The following WDR93 variants were observed in gnomAD, a reference collection of about 807,000 sequenced individuals.
WDR93 encodes WD repeat-containing protein 93.
In WDR93, 73 loss-of-function variants were observed where a neutral mutation model predicts 82.9. The observed-to-expected ratio is 0.88, with a 90% CI of 0.73 to 1.07. WDR93 has a LOEUF of 1.07. Ranked by LOEUF, WDR93 falls within the 50% of genes least tolerant of loss-of-function variation. The pLI, the probability that WDR93 is intolerant of heterozygous loss-of-function variation, is 0.00. For synonymous variants in WDR93, 283 were observed against 300.1 expected, an observed-to-expected ratio of 0.94 and a Z score of 0.59; for missense variants, 738 against 826.0, an observed-to-expected ratio of 0.89 and a Z score of 1.31.
chr15:89,742,733 A>G (rs1055179414), intron 16 of WDR93, among the ~76,000 whole-genome samples: 3 of 152,192 alleles, frequency 2.0e-5, no homozygotes, highest in East Asian at 1.9e-4. Context: ...GGGTTTCTCC[A>G]GGTTGGCCAG....
At chr15:89,736,334 G>A (rs1354782124) in intron 14 of WDR93, among the ~76,000 whole-genome samples, 3 of 152,256 alleles carry the variant, frequency 2.0e-5, no homozygotes, top group South Asian at 4.1e-4. Context: ...GTGGCCCTAC[G>A]GAGGGTGAGG....
At chr15:89,699,599 A>T (rs11629562) in intron 1 of WDR93, among the ~76,000 whole-genome samples, 66,175 of 151,464 alleles carry the variant, frequency 0.44, 14,884 homozygotes, top group African/African-American at 0.5. Flanking sequence ...TTATTAGGCC[A>T]CTTCAAATGA....
At chr15:89,701,237 G>A (rs1323405397) in intron 1 of WDR93, among the ~76,000 whole-genome samples, 1 of 152,122 alleles carries the variant, frequency 6.6e-6, no homozygotes, top group Non-Finnish European at 1.5e-5. Context: ...AGCGGGAAAG[G>A]AGAAAAGGGA....
chr15:89,741,080 C>T (rs1189716706), intron 16 of WDR93, among the ~76,000 whole-genome samples: 2 of 152,016 alleles, frequency 1.3e-5, no homozygotes, highest in Non-Finnish European at 2.9e-5. Context: ...GTGGAGGTTA[C>T]AGTAAGCTGA....
At chr15:89,737,549 C>G (rs765920484) in intron 14 of WDR93, 24 bp from the exon 15 acceptor site, 1 of 1,614,008 alleles carries the variant, frequency 6.2e-7, no homozygotes, top group Non-Finnish European at 8.5e-7. Flanking sequence ...TAGAAGCCCC[C>G]CTCACCATCT....
In WDR93 at chr15:89,737,630, A is replaced by G. The variant is rs1442473381; in HGVS notation, c.1666A>G (p.Ile556Val). Residue 556 changes from isoleucine to valine, a missense_variant, in exon 15 of 17, where the codon ATC becomes GTC. Ile to Val is a conservative substitution (Grantham distance 29). Coordinates refer to ENST00000268130, the MANE Select transcript of WDR93 (RefSeq NM_020212.2). ...CCTTATGGATGTGGCCAAGCGTGAA[A>G]TCATCTGTGCCTTTGCCCCTCCGGG... The part of the protein sequence containing the change: ...VCLMDVAKRE[I>V]ICAFAPPGAF... The G allele has an allele frequency of 7.4e-6, 12 of 1,614,002 alleles. No individual in the cohort carries two copies. The highest frequency in any genetic ancestry group is 1.0e-5 in the Non-Finnish European group (12 of 1,180,020).
chr15:89,698,907 T>G (rs1965317403), intron 1 of WDR93, among the ~76,000 whole-genome samples: 1 of 152,138 alleles, frequency 6.6e-6, no homozygotes, highest in Non-Finnish European at 1.5e-5. Flanking sequence ...AATTAATTAG[T>G]TTGAAACAGG....
At chr15:89,728,017 G>A (rs143909675) in intron 9 of WDR93, among the ~76,000 whole-genome samples, 26 of 152,116 alleles carry the variant, frequency 1.7e-4, no homozygotes, top group Middle Eastern at 3.4e-3. Context: ...GGAGATGGAG[G>A]CTGCAGTGAG....
intron 7 of WDR93, among the ~76,000 whole-genome samples, chr15:89,718,185 A>G (rs1426664890): frequency 6.6e-6 from 1 of 152,078 alleles, no homozygotes; most frequent in Non-Finnish European, 1.5e-5. Flanking sequence ...TACAAAAAAT[A>G]CAAAAAATGG....
chr15:89,700,552 A>G (rs1965405285), intron 1 of WDR93, among the ~76,000 whole-genome samples: 2 of 115,610 alleles, frequency 1.7e-5, no homozygotes, highest in Non-Finnish European at 3.4e-5. Context: ...TGTACACAAT[A>G]TTGAGGGTTT....
chr15:89,740,703 T>C (rs1967600313), intron 16 of WDR93, among the ~76,000 whole-genome samples: 1 of 152,048 alleles, frequency 6.6e-6, no homozygotes, highest in South Asian at 2.1e-4. Flanking sequence ...GGTTTCTCCA[T>C]GTTGGCCAGG....
chr15:89,723,382 T>C (rs544674329), intron 8 of WDR93, among the ~76,000 whole-genome samples: 8 of 151,446 alleles, frequency 5.3e-5, no homozygotes, highest in African/African-American at 1.9e-4. Flanking sequence ...GTTGAGGCTG[T>C]AGTGAGCTAT....
rs370652070 is a variant in WDR93, at chr15:89,730,322, CAAA to C, written c.1210+572_1210+574del. Among the ~76,000 whole-genome samples the C allele has an allele frequency of 5.3e-3, 654 of 123,428 alleles. 3 individuals are homozygous for C. Among genetic ancestry groups the C allele is most frequent in the African/African-American group, 0.016 (513 of 32,772 alleles). 81.0% of individuals were successfully genotyped at this position (123,428 alleles called of 152,430 possible). ...CCTGGGTGACAGAGCAAGACTATCT[CAAA>C]AAAAAAAAAAAAAAAAAAGAGAGAG... On this transcript the variant is annotated intron_variant, in intron 11 of 16. Transcript: ENST00000268130.
At chr15:89,717,041 C>CTTTTT in intron 7 of WDR93, 92 bp downstream of exon 7, 1 of 335,768 alleles carries the variant, frequency 3.0e-6, no homozygotes, top group African/African-American at 3.6e-5. Context: ...TTTTCTTTTT[C>CTTTTT]TTTCTTTTTT....
intron 1 of WDR93, among the ~76,000 whole-genome samples, chr15:89,694,679 A>G (rs76293493): frequency 0.012 from 1,873 of 152,364 alleles, 49 homozygotes; most frequent in African/African-American, 0.043. Context: ...TTGAAGAAAC[A>G]CAAGTTTATT....
At chr15:89,711,989 G>C (rs1044834621) in intron 4 of WDR93, 37 bp from the exon 5 acceptor site, 4 of 1,548,922 alleles carry the variant, frequency 2.6e-6, no homozygotes, top group Non-Finnish European at 3.6e-6. Flanking sequence ...CTGTCAGCAG[G>C]CTATGCCTAC....
chr15:89,733,094 G>A lies in WDR93; in HGVS notation c.1419G>A (p.Gln473=), dbSNP rs778575714. ...FLKYFSVHKG[Q]NMYPEGQVKS... ...AATATTTCTCGGTCCACAAAGGACA[G>A]AATATGTATCCTGAAGGTCAAGTGA... The change falls in exon 13 of 17, where the codon CAG becomes CAA. Residue 473 remains glutamine, a synonymous_variant. Coordinates refer to ENST00000268130, the MANE Select transcript of WDR93 (RefSeq NM_020212.2). 1 of 1,614,220 alleles carries A rather than the reference G, an allele frequency of 6.2e-7. No homozygotes were observed. The highest frequency in any genetic ancestry group is 1.1e-5 in the South Asian group (1 of 91,086).
At chr15:89,731,329 C>G in intron 11 of WDR93, 114 bp from the exon 12 acceptor site, 1 of 1,507,678 alleles carries the variant, frequency 6.6e-7, no homozygotes, top group Non-Finnish European at 9.0e-7. Context: ...ACAGGTGCTC[C>G]TGGTTCCCAT....
intron 13 of WDR93, among the ~76,000 whole-genome samples, chr15:89,735,221 T>G (rs1967066790): frequency 6.6e-6 from 1 of 152,206 alleles, no homozygotes; most frequent in Non-Finnish European, 1.5e-5. Flanking sequence ...TTTGCAACAT[T>G]GTTCACAAGA....
Sources: allele counts gnomAD v4.1 joint callset (sites outside exome capture counted in the v4.1 genomes callset), GRCh38; gene constraint gnomAD v4.1.1; transcripts MANE v1.5; gene names NCBI Gene and HGNC (gene_info 2026-07-23, HGNC 2026-07-21).